Variants in TESC observed in about 807,000 individuals in gnomAD.
The protein encoded by TESC is tescalcin.
Under a neutral mutation model 31.0 loss-of-function variants are expected in TESC, and 19 were observed. The observed-to-expected ratio is 0.61, with a 90% CI of 0.43 to 0.90. TESC has a LOEUF of 0.90. Among genes scored for constraint, TESC ranks in the 40% least tolerant of loss-of-function variants. The probability of loss-of-function intolerance (pLI) is 0.00; values close to 1 mark genes in which losing one functional copy is unlikely to be tolerated. For synonymous variants in TESC, 109 were observed against 114.8 expected (o/e 0.95, Z 0.32); for missense variants, 248 against 303.8 (o/e 0.82, Z 1.36).
intron 4 of TESC, 158 bp downstream of exon 4, chr12:117,048,861 C>T: frequency 3.4e-6 from 4 of 1,173,584 alleles, no homozygotes; most frequent in Non-Finnish European, 4.9e-6. Context: ...GACAGCAATG[C>T]CAGCCTCACA....
chr12:117,046,475 C>T (rs2135748973), intron 6 of TESC, 84 bp downstream of exon 6: 2 of 1,346,166 alleles, frequency 1.5e-6, no homozygotes, highest in East Asian at 5.0e-5. Flanking sequence ...TACACCTGGC[C>T]CCTGCCCCAT....
chr12:117,097,827 T>C (rs1482815950), intron 1 of TESC, among the ~76,000 whole-genome samples: 1 of 152,140 alleles, frequency 6.6e-6, no homozygotes, highest in Admixed American at 6.5e-5. Flanking sequence ...AAATGTATAC[T>C]CTTATTTTCC....
At chr12:117,082,747 C>A (rs1363813226) in intron 1 of TESC, among the ~76,000 whole-genome samples, 1 of 152,084 alleles carries the variant, frequency 6.6e-6, no homozygotes, top group East Asian at 1.9e-4. Flanking sequence ...AAAGGGTATA[C>A]AACAAAATAA....
rs768161931 is a variant in TESC at position 117,048,996 on chromosome 12, C to A, written c.349+23G>T. ...GGCTGCACCCCAGGCCAGGTGTGAG[C>A]AAGGGGACTCAGTGGCACGCACATC... On this transcript the variant is annotated intron_variant, in intron 4 of 7. Coordinates refer to ENST00000335209, the MANE Select transcript of TESC (RefSeq NM_017899.4). 3.7e-6 allele frequency: 6 copies of A among 1,613,362 alleles called. No homozygotes were observed. The African/African-American group carries it at 4.0e-5, about 11-fold the overall frequency.
intron 2 of TESC, among the ~76,000 whole-genome samples, chr12:117,061,802 G>C (rs997004871): frequency 2.6e-5 from 4 of 152,172 alleles, no homozygotes; most frequent in African/African-American, 9.7e-5. Context: ...GGATGGTTCA[G>C]GGTCAAACAC....
intron 1 of TESC, among the ~76,000 whole-genome samples, chr12:117,077,288 C>T (rs1266989189): frequency 6.6e-6 from 1 of 152,162 alleles, no homozygotes; most frequent in African/African-American, 2.4e-5. Flanking sequence ...CAGATGTAGC[C>T]ACTGACACTT....
At chr12:117,059,816 T>C (rs951920113) in intron 2 of TESC, among the ~76,000 whole-genome samples, 2 of 152,142 alleles carry the variant, frequency 1.3e-5, no homozygotes, top group African/African-American at 2.4e-5. Flanking sequence ...GGTCTCAAAC[T>C]CCTGACCTCA....
intron 2 of TESC, among the ~76,000 whole-genome samples, chr12:117,062,417 T>TCA (rs1267613290): frequency 6.6e-6 from 1 of 152,150 alleles, no homozygotes; most frequent in Non-Finnish European, 1.5e-5. Context: ...AGATGGGGTT[T>TCA]CACCATGTTG....
chr12:117,072,772 A>G (rs1175924805), intron 2 of TESC, among the ~76,000 whole-genome samples: 1 of 152,128 alleles, frequency 6.6e-6, no homozygotes, highest in Non-Finnish European at 1.5e-5. Context: ...CCTGGCGCAG[A>G]GCAGATGCTC....
intron 6 of TESC, among the ~76,000 whole-genome samples, chr12:117,045,736 G>A (rs1424969881): frequency 3.9e-5 from 6 of 152,356 alleles, no homozygotes; most frequent in Non-Finnish European, 7.3e-5. Context: ...ACACAAAGCC[G>A]TCAGGGTGTC....
At chr12:117,062,072 C>T (rs1340919492) in intron 2 of TESC, among the ~76,000 whole-genome samples, 3 of 152,182 alleles carry the variant, frequency 2.0e-5, no homozygotes, top group Non-Finnish European at 2.9e-5. Context: ...ACAGTAATCG[C>T]TGCAGCAGTA....
chr12:117,084,795 T>C (rs949371635), intron 1 of TESC, among the ~76,000 whole-genome samples: 3 of 152,194 alleles, frequency 2.0e-5, no homozygotes, highest in Admixed American at 1.3e-4. Context: ...TGTGAGCCTG[T>C]AGTCCCAGGA....
chr12:117,084,345 C>G (rs1431113330), intron 1 of TESC, among the ~76,000 whole-genome samples: 1 of 152,128 alleles, frequency 6.6e-6, no homozygotes, highest in Non-Finnish European at 1.5e-5. Flanking sequence ...GAGAAGGGGC[C>G]CGTGCAGGCA....
intron 1 of TESC, among the ~76,000 whole-genome samples, chr12:117,091,330 C>T (rs1037962399): frequency 1.3e-5 from 2 of 152,150 alleles, no homozygotes; most frequent in South Asian, 2.1e-4. Context: ...TCCCTCAGCT[C>T]GAGATAACAG....
In TESC at chr12:117,046,618, C is replaced by T. The variant is rs150127766; in HGVS notation, c.460G>A (p.Ala154Thr). The T allele has an allele frequency of 3.9e-6, 6 of 1,551,506 alleles. No homozygotes were observed. The African/African-American group carries it at 8.2e-5, about 21-fold the overall frequency. Residue 154 changes from alanine to threonine, a missense_variant, in exon 6 of 8, where the codon GCT becomes ACT. Coordinates refer to ENST00000335209, the MANE Select transcript of TESC (RefSeq NM_017899.4). ...ATGGCCCCGTCGGCGATGGAGCGAG[C>T]GGACTCCTTCTCGATGTGAGGGTTT... Reference protein sequence around the residue: ...SGNPHIEKESARSIADGAMME... With the variant: ...SGNPHIEKESTRSIADGAMME...
intron 2 of TESC, among the ~76,000 whole-genome samples, chr12:117,063,212 G>T (rs1457014448): frequency 2.0e-5 from 3 of 152,146 alleles, no homozygotes; most frequent in Non-Finnish European, 4.4e-5. Context: ...TAGAGTTGGC[G>T]CGGGACTCCA....
chr12:117,096,836 CCTGCCACAGGGCCT>C (rs1010481568), intron 1 of TESC, among the ~76,000 whole-genome samples: 1 of 152,162 alleles, frequency 6.6e-6, no homozygotes, highest in Non-Finnish European at 1.5e-5. Context: ...CTGGCTTGTC[CCTGCCACAGGGCCT>C]CTGCATTCGA....
chr12:117,075,913 A>ATATATATG lies in TESC; in HGVS notation c.59-574_59-573insCATATATA, dbSNP rs1265957613. Reference sequence around the variant, plus strand: ...TATATATATATATATATATATATATATGTGTGTGTGTATATATATATATAT... The same window carrying ATATATATG: ...TATATATATATATATATATATATATATATATATGTGTGTGTGTGTATATATATATATAT... On this transcript the variant is annotated intron_variant, in intron 1 of 7. Transcript: ENST00000335209. Among the ~76,000 whole-genome samples, 101 of 51,902 alleles carry ATATATATG rather than the reference A, an allele frequency of 1.9e-3. 1 individual carries two copies. Among genetic ancestry groups the ATATATATG allele is most frequent in the South Asian group, 4.4e-3 (7 of 1,578 alleles). The allele number at this position is 51,902 out of a possible 152,430, so 34.0% of individuals were successfully genotyped here.
At chr12:117,076,766 A>G (rs1295373300) in intron 1 of TESC, among the ~76,000 whole-genome samples, 1 of 152,170 alleles carries the variant, frequency 6.6e-6, no homozygotes, top group Non-Finnish European at 1.5e-5. Context: ...TTATAATTTG[A>G]AAACTGCAGC....
Sources: allele counts gnomAD v4.1 joint callset (sites outside exome capture counted in the v4.1 genomes callset), GRCh38; gene constraint gnomAD v4.1.1; transcripts MANE v1.5; gene names NCBI Gene and HGNC (gene_info 2026-07-23, HGNC 2026-07-21).